Variants in JMJD1C observed in about 807,000 individuals in gnomAD.
The protein encoded by JMJD1C is jumonji domain containing 1C, also known as jumonji domain-containing protein 1C.
Under a neutral mutation model 245.3 loss-of-function variants are expected in JMJD1C, and 31 were observed. The observed-to-expected ratio is 0.13, with a 90% CI of 0.09 to 0.17. The LOEUF is 0.17. Among genes scored for constraint, JMJD1C ranks in the 10% least tolerant of loss-of-function variants. The pLI is 1.00. For synonymous variants in JMJD1C, 1,057 were observed against 1,017.4 expected, an observed-to-expected ratio of 1.04 and a Z score of -0.74; for missense variants, 2,691 against 3,000.2, an observed-to-expected ratio of 0.90 and a Z score of 2.41.
intron 3 of JMJD1C, among the ~76,000 whole-genome samples, chr10:63,230,552 A>C (rs1442534041): frequency 6.6e-6 from 1 of 152,152 alleles, no homozygotes; most frequent in African/African-American, 2.4e-5. Context: ...GGTAACTGTA[A>C]ATACAATTGG....
intron 2 of JMJD1C, among the ~76,000 whole-genome samples, chr10:63,327,071 C>T (rs965057089): frequency 6.6e-6 from 1 of 152,058 alleles, no homozygotes; most frequent in Non-Finnish European, 1.5e-5. Context: ...CCTGTAGTCC[C>T]AGCTACCGAG....
intron 3 of JMJD1C, among the ~76,000 whole-genome samples, chr10:63,255,946 T>C (rs74137710): frequency 1.2e-3 from 190 of 152,234 alleles, no homozygotes; most frequent in African/African-American, 4.2e-3. Context: ...AAAGAATAAA[T>C]CAATCCTATG....
intron 14 of JMJD1C, 66 bp from the exon 15 acceptor site, chr10:63,193,538 CT>C (rs776926988): frequency 2.8e-5 from 33 of 1,190,472 alleles, no homozygotes; most frequent in Non-Finnish European, 3.7e-5. Flanking sequence ...AAATTTTTTT[CT>C]TACAATATTT....
chr10:63,251,663 T>G (rs951774649), intron 3 of JMJD1C, among the ~76,000 whole-genome samples: 2 of 152,198 alleles, frequency 1.3e-5, no homozygotes, highest in Admixed American at 1.3e-4. Flanking sequence ...GATACTATAC[T>G]TTCTCATATT....
In JMJD1C at chr10:63,207,329, T is replaced by C. The variant is rs1846751217; in HGVS notation, c.4340A>G (p.Glu1447Gly). Residue 1447 changes from glutamate to glycine, a missense_variant, in exon 10 of 26, where the codon GAA (glutamate) becomes GGA (glycine). Physicochemically the swap from Glu to Gly is moderately conservative, Grantham distance 98 (BLOSUM62 -2). This residue lies in a region of JMJD1C where 1,562 missense variants were observed against 1,490.7 expected (regional missense o/e 1.05). Transcript: ENST00000399262. ...TGGTGCTGTGGTGCTGACCTTGCAT[T>C]CTTGTTTTTGAGCCACTGGCTGACT... is the stretch of plus-strand genomic sequence containing the variant. ...SVSQPVAQKQ[E>G]CKVSTTAPVT... 6.2e-7 allele frequency: 1 copy of C among 1,613,694 alleles called. No individual in the cohort carries two copies. The highest frequency in any genetic ancestry group is 1.7e-4 in the Middle Eastern group (1 of 6,060).
intron 2 of JMJD1C, among the ~76,000 whole-genome samples, chr10:63,267,956 A>T (rs912853754): frequency 5.9e-5 from 9 of 152,068 alleles, no homozygotes; most frequent in African/African-American, 2.2e-4. Flanking sequence ...TCCCCGAAAA[A>T]CATTTTTAAA....
intron 22 of JMJD1C, among the ~76,000 whole-genome samples, chr10:63,180,769 ATTTT>A (rs11318245): frequency 7.8e-6 from 1 of 128,840 alleles, no homozygotes; most frequent in African/African-American, 2.8e-5. Flanking sequence ...TGCACAGCTA[ATTTT>A]TTTTTTTTTT....
intron 1 of JMJD1C, 104 bp downstream of exon 1, chr10:63,465,391 A>T: frequency 8.3e-7 from 1 of 1,204,776 alleles, no homozygotes; most frequent in Non-Finnish European, 1.1e-6. Flanking sequence ...CGTGACCGCC[A>T]GTTGGCCGGG....
chr10:63,219,913 A>AC lies in JMJD1C; in HGVS notation c.517dup (p.Val173GlyfsTer26). On this transcript the variant is annotated frameshift_variant, in exon 4 of 26. Coordinates refer to ENST00000399262, the MANE Select transcript of JMJD1C (RefSeq NM_032776.3). LOFTEE classifies it high-confidence loss of function. The stretch of plus-strand genomic sequence containing the variant: ...AATCTCCTGAACCTTTTGTTCCTTT[A>AC]CCCAGACTTTCACTTCCTCATGAAG... 1 of 1,613,762 alleles carries AC rather than the reference A, an allele frequency of 6.2e-7. No homozygotes were observed. The highest frequency in any genetic ancestry group is 8.5e-7 in the Non-Finnish European group (1 of 1,179,736).
At chr10:63,466,285 GT>G (rs1361505424), upstream of JMJD1C, 1 of 155,144 alleles carries the variant, frequency 6.4e-6, no homozygotes, top group African/African-American at 2.4e-5. Context: ...AAGTGTAGTG[GT>G]TCCACTCTGA....
Position 63,213,659 on chromosome 10 carries a change from C to T in JMJD1C, c.2508G>A (p.Leu836=), listed in dbSNP as rs1412063696. 1 of 1,614,102 alleles carries T rather than the reference C, an allele frequency of 6.2e-7. No individual in the cohort carries two copies. The highest frequency in any genetic ancestry group is 1.7e-5 in the Admixed American group (1 of 60,006). ...LALAHQQQQQ[L]LQHQSPHLLG... ...GAAGATGAGGTGACTGGTGCTGTAACAACTGTTGTTGTTGCTGGTGTGCTA... is the reference window on the plus strand; with the variant it reads ...GAAGATGAGGTGACTGGTGCTGTAATAACTGTTGTTGTTGCTGGTGTGCTA... Residue 836 remains leucine, a synonymous_variant, in exon 8 of 26, where the codon TTG becomes TTA. Transcript: ENST00000399262.
intron 1 of JMJD1C, among the ~76,000 whole-genome samples, chr10:63,440,304 C>T (rs1951294175): frequency 6.7e-6 from 1 of 148,212 alleles, no homozygotes; most frequent in East Asian, 2.0e-4. Context: ...CACTGCACTC[C>T]AGCTTGGGTG....
chr10:63,272,029 T>C (rs547025985), intron 2 of JMJD1C, among the ~76,000 whole-genome samples: 3 of 145,546 alleles, frequency 2.1e-5, no homozygotes, highest in Admixed American at 7.0e-5. Flanking sequence ...GCCGAGATCA[T>C]ACCACTGCAC....
intron 2 of JMJD1C, among the ~76,000 whole-genome samples, chr10:63,376,092 C>G (rs1946717903): frequency 6.6e-6 from 1 of 152,108 alleles, no homozygotes; most frequent in Admixed American, 6.5e-5. Flanking sequence ...TAAGAACATA[C>G]AGACCAATGG....
rs1289747924 is a variant in JMJD1C at position 63,295,337 on chromosome 10, G to A, written c.334-30573C>T. Among the ~76,000 whole-genome samples the A allele has an allele frequency of 2.0e-5, 3 of 150,994 alleles. No individual in the cohort carries two copies. The East Asian group carries it at 5.8e-4, about 29-fold the overall frequency. The stretch of plus-strand genomic sequence containing the variant: ...ACTCCTGGCCTGAAGTGATACTCCT[G>A]CCTCAGCCTCCTAAAGTGCTCGGCC... On this transcript the variant is annotated intron_variant, in intron 2 of 25. Transcript: ENST00000399262.
At chr10:63,238,666 GT>G (rs899415053) in intron 3 of JMJD1C, among the ~76,000 whole-genome samples, 4 of 152,236 alleles carry the variant, frequency 2.6e-5, no homozygotes, top group Non-Finnish European at 5.9e-5. Context: ...ACCTCATGCT[GT>G]CAAGCTGCCA....
intron 2 of JMJD1C, among the ~76,000 whole-genome samples, chr10:63,368,890 TGCCCACCCTC>T (rs1178456507): frequency 1.3e-5 from 2 of 151,496 alleles, no homozygotes; most frequent in Admixed American, 1.3e-4. Context: ...TCAGGTGATC[TGCCCACCCTC>T]GCCTCCCAAA....
intron 3 of JMJD1C, among the ~76,000 whole-genome samples, chr10:63,229,804 C>T (rs1417902963): frequency 1.3e-5 from 2 of 152,078 alleles, no homozygotes; most frequent in African/African-American, 4.8e-5. Flanking sequence ...CAATAATATT[C>T]TTTGCATTCG....
rs1264519501 is a variant in JMJD1C at position 63,208,459 on chromosome 10, T to C, written c.3210A>G (p.Val1070=). ...KSHIIKQDMD[V]ERSVSDLYKM... ...TATAAAGATCTGATACTGAGCGTTC[T>C]ACATCCATATCTTGTTTGATGATAT... Residue 1070 remains valine (V), a synonymous_variant, in exon 10 of 26, where the codon GTA becomes GTG. Coordinates refer to ENST00000399262, the MANE Select transcript of JMJD1C (RefSeq NM_032776.3). The C allele has an allele frequency of 6.2e-7, 1 of 1,614,012 alleles. No individual in the cohort carries two copies. The highest frequency in any genetic ancestry group is 8.5e-7 in the Non-Finnish European group (1 of 1,179,936).
Sources: allele counts gnomAD v4.1 joint callset (sites outside exome capture counted in the v4.1 genomes callset), GRCh38; gene constraint gnomAD v4.1.1; regional missense constraint gnomAD v4.1.1; transcripts MANE v1.5; gene names NCBI Gene and HGNC (gene_info 2026-07-23, HGNC 2026-07-21).